Variants in TSEN54 observed in about 807,000 individuals in gnomAD.
TSEN54 encodes tRNA-splicing endonuclease subunit Sen54.
A neutral mutation model predicts 61.9 loss-of-function variants in TSEN54; 55 were observed. The observed-to-expected ratio is 0.89, with a 90% CI of 0.72 to 1.11. The LOEUF (loss-of-function observed/expected upper bound fraction) is 1.11, where lower values mean the gene tolerates loss of function less well. Among genes scored for constraint, TSEN54 ranks in the 50% most tolerant of loss-of-function variants. The pLI is 0.00. For missense variants in TSEN54, 760 were observed against 687.7 expected, an observed-to-expected ratio of 1.11 and a Z score of -1.18; for synonymous variants, 304 against 288.7, an observed-to-expected ratio of 1.05 and a Z score of -0.54.
At chr17:75,517,124 T>G in intron 3 of TSEN54, 37 bp from the exon 4 acceptor site, 1 of 1,089,180 alleles carries the variant, frequency 9.2e-7, no homozygotes, top group Non-Finnish European at 1.3e-6. Flanking sequence ...CTCCCTGCCC[T>G]CCCTCCCTTG....
At chr17:75,518,896 G>A in intron 5 of TSEN54, 99 bp from the exon 6 acceptor site, 1 of 1,601,120 alleles carries the variant, frequency 6.2e-7, no homozygotes, top group Non-Finnish European at 8.5e-7. Flanking sequence ...GTGTACAGGA[G>A]GGGCAGAGAG....
At chr17:75,520,543 GC>G (rs1485868480) in intron 6 of TSEN54, among the ~76,000 whole-genome samples, 1 of 146,248 alleles carries the variant, frequency 6.8e-6, no homozygotes, top group Non-Finnish European at 1.5e-5. Flanking sequence ...CCGAGATCTT[GC>G]CAGTGCACTC....
Position 75,524,578 on chromosome 17 carries a change from C to G in TSEN54, c.*166C>G, listed in dbSNP as rs771244483. 1.6e-5 allele frequency: 14 copies of G among 868,850 alleles called. No homozygotes were observed. In the East Asian group the frequency reaches 2.1e-4, roughly 13 times the overall value. 53.8% of individuals were successfully genotyped at this position (868,850 alleles called of 1,614,324 possible). A position where few individuals can be genotyped will look rare whatever the true frequency, so the allele number is the denominator to read the frequency against. ...ATACTCACAGAGTGAAACTGTGACC[C>G]TCTCCCTTCCCTGCTGCCTTGCAGT... On this transcript the variant is annotated 3_prime_UTR_variant, in exon 11 of 11. Transcript: ENST00000333213.
intron 4 of TSEN54, 72 bp downstream of exon 4, chr17:75,517,316 A>G: frequency 6.6e-7 from 1 of 1,506,318 alleles, no homozygotes; most frequent in African/African-American, 1.4e-5. Flanking sequence ...ATCGGAGAAA[A>G]AGCACACACA....
rs1396892214 is a variant in TSEN54, at chr17:75,517,051, C to T, written c.264C>T (p.Phe88=). Residue 88 remains phenylalanine, a synonymous_variant, in exon 3 of 11, where the codon TTC becomes TTT. Transcript: ENST00000333213. ...CCGAGTGGAGGCCAGAAGAGGGCTT[C>T]GTGGAGTTGAAGTCTCCCGCGGTGA... is the stretch of plus-strand genomic sequence containing the variant. ...VAAEWRPEEG[F]VELKSPAGKF... 1.3e-6 allele frequency: 2 copies of T among 1,596,984 alleles called. No homozygotes were observed. Among genetic ancestry groups the T allele is most frequent in the Admixed American group, 1.7e-5 (1 of 57,860 alleles).
In TSEN54 at chr17:75,524,704, A is replaced by C. The variant is rs978699720; in HGVS notation, c.*292A>C. On this transcript the variant is annotated 3_prime_UTR_variant, in exon 11 of 11. Coordinates refer to ENST00000333213, the MANE Select transcript of TSEN54 (RefSeq NM_207346.3). ...GAGAGGGTGCCTGCTTCGTGCTATA[A>C]AGCCAAAGCCATTAAAAATAGATTT... is the stretch of plus-strand genomic sequence containing the variant. 4.0e-5 allele frequency: 20 copies of C among 499,032 alleles called. No homozygotes were observed. The highest frequency in any genetic ancestry group is 3.9e-4 in the African/African-American group (20 of 51,416). 30.9% of individuals were successfully genotyped at this position (499,032 alleles called of 1,614,324 possible).
intron 8 of TSEN54, 77 bp downstream of exon 8, chr17:75,522,410 G>T: frequency 1.3e-6 from 2 of 1,534,348 alleles, no homozygotes; most frequent in Non-Finnish European, 1.7e-6. Context: ...GGGCATGGAT[G>T]AACTGGGATG....
chr17:75,521,617 C>T, intron 7 of TSEN54, 88 bp from the exon 8 acceptor site: 1 of 1,567,490 alleles, frequency 6.4e-7, no homozygotes, highest in Admixed American at 1.7e-5. Context: ...CTCAGGGAGA[C>T]ACTAGGGGAC....
chr17:75,524,594 G>T lies in TSEN54; in HGVS notation c.*182G>T. 3.8e-6 allele frequency: 3 copies of T among 784,526 alleles called. No homozygotes were observed. In the South Asian group the frequency reaches 4.3e-5, roughly 11 times the overall value. 48.6% of individuals were successfully genotyped at this position (784,526 alleles called of 1,614,324 possible). On this transcript the variant is annotated 3_prime_UTR_variant, in exon 11 of 11. Transcript: ENST00000333213. Reference sequence around the variant, plus strand: ...ACTGTGACCCTCTCCCTTCCCTGCTGCCTTGCAGTGACCCCTCTGGAACTC... The same window carrying T: ...ACTGTGACCCTCTCCCTTCCCTGCTTCCTTGCAGTGACCCCTCTGGAACTC...
intron 5 of TSEN54, 130 bp downstream of exon 5, chr17:75,517,785 C>A: frequency 2.4e-6 from 2 of 817,510 alleles, no homozygotes; most frequent in Admixed American, 3.8e-5. Flanking sequence ...TATGCTGTCA[C>A]GAGGCTTACA....
chr17:75,521,256 C>T (rs2053424112), intron 6 of TSEN54, 153 bp from the exon 7 acceptor site: 1 of 701,930 alleles, frequency 1.4e-6, no homozygotes, highest in Non-Finnish European at 2.6e-6. Flanking sequence ...GGGCCTGTAC[C>T]CCTCATGGGG....
intron 8 of TSEN54, 146 bp from the exon 9 acceptor site, chr17:75,523,129 A>C: frequency 9.7e-7 from 1 of 1,035,618 alleles, no homozygotes; most frequent in Non-Finnish European, 1.5e-6. Context: ...CAGTGAGCCA[A>C]GATCACGCCA....
intron 6 of TSEN54, 151 bp downstream of exon 6, chr17:75,519,198 T>A: frequency 1.1e-6 from 1 of 877,638 alleles, no homozygotes; most frequent in Non-Finnish European, 1.9e-6. Context: ...GGAAGCGTTC[T>A]GAGAGAGGCA....
At chr17:75,520,471 A>G (rs926510491) in intron 6 of TSEN54, among the ~76,000 whole-genome samples, 1 of 150,154 alleles carries the variant, frequency 6.7e-6, no homozygotes, top group African/African-American at 2.5e-5. Context: ...CTATAGTCCC[A>G]GCTATTCAGG....
At position 75,518,503 on chromosome 17, in the gene TSEN54, C is replaced by G. The variant is rs765728603; in HGVS notation, c.469-492C>G. 32 of 983,632 alleles carry G rather than the reference C, an allele frequency of 3.3e-5. No individual in the cohort carries two copies. In the Admixed American group the frequency reaches 9.8e-4, roughly 30 times the overall value. 60.9% of individuals were successfully genotyped at this position (983,632 alleles called of 1,614,324 possible). A position where few individuals can be genotyped will look rare whatever the true frequency, so the allele number is the denominator to read the frequency against. ...TAGCTGTGCTAAAGCCTGCTGAGAT[C>G]AAGCAGGATGGGGGACATTCTTATC... On this transcript the variant is annotated intron_variant, in intron 5 of 10. Transcript: ENST00000333213.
chr17:75,517,625 C>A lies in TSEN54; in HGVS notation c.438C>A (p.Thr146=), dbSNP rs200719292. 2 of 1,613,926 alleles carry A rather than the reference C, an allele frequency of 1.2e-6. No individual in the cohort carries two copies. The highest frequency in any genetic ancestry group is 1.7e-6 in the Non-Finnish European group (2 of 1,180,002). Residue 146 remains threonine, a synonymous_variant, in exon 5 of 11, where the codon ACC becomes ACA. Transcript: ENST00000333213. ...AGGAAGCTTACCAGCTGCTGCTGAC[C>A]GACCACACTGTGACCTTCCTGCAGT... ...SIQEAYQLLL[T]DHTVTFLQYQ...
Position 75,522,015 on chromosome 17 carries a change from C to T in TSEN54, c.934C>T (p.His312Tyr), listed in dbSNP as rs528288233. Residue 312 changes from histidine (H) to tyrosine (Y), a missense_variant, in exon 8 of 11, where the codon CAC becomes TAC. Physicochemically the swap from His to Tyr is moderately conservative, Grantham distance 83. This residue lies in a region of TSEN54 where 667 missense variants were observed against 577.8 expected (regional missense o/e 1.15). Transcript: ENST00000333213. ...SFPNMASDSR[H>Y]TLLRAPAPEL... is the part of the protein sequence containing the mutation. ...CCCCAACATGGCTTCAGACAGCCGC[C>T]ACACCCTTCTGCGCGCCCCAGCCCC... 10 of 1,599,040 alleles carry T rather than the reference C, an allele frequency of 6.3e-6. No individual in the cohort carries two copies. Among genetic ancestry groups the T allele is most frequent in the East Asian group, 2.3e-5 (1 of 43,912 alleles).
At position 75,523,730 on chromosome 17, in the gene TSEN54, T is replaced by C. The variant is rs767683456; in HGVS notation, c.1381T>C (p.Phe461Leu). ...TTACCAGGCCGACGCTGTGGCCACA[T>C]TCCGAAAGAATAACCCTGGCAAACC... is the stretch of plus-strand genomic sequence containing the variant. ...DVYQADAVAT[F>L]RKNNPGKPYA... Residue 461 changes from phenylalanine (F) to leucine (L), a missense_variant, in exon 10 of 11, where the codon TTC becomes CTC. Phe to Leu is a conservative substitution (Grantham distance 22, BLOSUM62 0). Transcript: ENST00000333213. 2.5e-6 allele frequency: 4 copies of C among 1,614,118 alleles called. No homozygotes were observed. In the South Asian group the frequency reaches 4.4e-5, roughly 18 times the overall value.
intron 8 of TSEN54, chr17:75,523,010 C>G (rs559871162): frequency 1.3e-5 from 6 of 449,134 alleles, no homozygotes; most frequent in Non-Finnish European, 2.5e-5. Flanking sequence ...GTGAAACCAT[C>G]TCTACTAAAA....
Sources: allele counts gnomAD v4.1 joint callset (sites outside exome capture counted in the v4.1 genomes callset), GRCh38; gene constraint gnomAD v4.1.1; regional missense constraint gnomAD v4.1.1; transcripts MANE v1.5; gene names NCBI Gene and HGNC (gene_info 2026-07-23, HGNC 2026-07-21).